PRKCA: variants seen among roughly 807,000 people sequenced by gnomAD.
PRKCA encodes protein kinase C alpha type.
Under a neutral mutation model 87.0 loss-of-function variants are expected in PRKCA, and 27 were observed. The observed-to-expected ratio is 0.31, with a 90% CI of 0.23 to 0.43. The LOEUF (loss-of-function observed/expected upper bound fraction) is 0.43, where lower values mean the gene tolerates loss of function less well. Ranked by LOEUF, PRKCA falls within the 20% of genes least tolerant of loss-of-function variation. PRKCA has a pLI of 1.00. For synonymous variants in PRKCA, 329 were observed against 311.1 expected, an observed-to-expected ratio of 1.06 and a Z score of -0.61; for missense variants, 518 against 852.3, an observed-to-expected ratio of 0.61 and a Z score of 4.88.
At chr17:66,343,904 T>C (rs1907197707) in intron 2 of PRKCA, among the ~76,000 whole-genome samples, 1 of 152,116 alleles carries the variant, frequency 6.6e-6, no homozygotes, top group South Asian at 2.1e-4. Flanking sequence ...GATAGCACCA[T>C]GATGCCTACC....
chr17:66,634,349 G>A (rs72845965), intron 3 of PRKCA, among the ~76,000 whole-genome samples: 24,015 of 152,038 alleles, frequency 0.16, 2,307 homozygotes, highest in Non-Finnish European at 0.22. Flanking sequence ...TCCCTCTTTC[G>A]TTATAATATA....
At position 66,668,902 on chromosome 17, in the gene PRKCA, A is replaced by G. The variant is rs183702037; in HGVS notation, c.530-18209A>G. On this transcript the variant is annotated intron_variant, in intron 5 of 16. Coordinates refer to ENST00000413366, the MANE Select transcript of PRKCA (RefSeq NM_002737.3). ...AGGATCACTTGAGGCCAGAAGTTTG[A>G]GACCAGCCTGGGCAACATAGCAAGT... Among the ~76,000 whole-genome samples the G allele has an allele frequency of 2.2e-4, 34 of 152,256 alleles. 1 individual carries two copies. Among genetic ancestry groups the G allele is most frequent in the South Asian group, 1.5e-3 (7 of 4,816 alleles).
intron 3 of PRKCA, among the ~76,000 whole-genome samples, chr17:66,506,362 TA>T (rs748147565): frequency 9.9e-5 from 15 of 151,100 alleles, no homozygotes; most frequent in East Asian, 1.9e-4. Flanking sequence ...TTTCTTAAAT[TA>T]AAAAAAAAGG....
At chr17:66,521,825 G>C (rs932279814) in intron 3 of PRKCA, among the ~76,000 whole-genome samples, 3 of 152,160 alleles carry the variant, frequency 2.0e-5, no homozygotes, top group Non-Finnish European at 4.4e-5. Flanking sequence ...GTCAAGAATT[G>C]TTGTATTTCT....
chr17:66,786,808 C>A (rs1250365223), intron 14 of PRKCA, 59 bp from the exon 15 acceptor site: 19 of 1,414,280 alleles, frequency 1.3e-5, no homozygotes, highest in Non-Finnish European at 1.9e-5. Context: ...TCTTCAGGCA[C>A]CATGTGAATG....
chr17:66,547,840 C>T (rs934398538), intron 3 of PRKCA, among the ~76,000 whole-genome samples: 3 of 152,162 alleles, frequency 2.0e-5, no homozygotes, highest in Non-Finnish European at 2.9e-5. Context: ...AACCATCTTA[C>T]GGCTTTTTAT....
Position 66,789,081 on chromosome 17 carries a change from GC to G in PRKCA, c.1854+103del. ...TGGAGAGAGGAGGCCGGTGCCCCTG[GC>G]TTGTACAGGGTGAGGAAACGGGCCA... is the stretch of plus-strand genomic sequence containing the variant. On this transcript the variant is annotated intron_variant, in intron 16 of 16. Coordinates refer to ENST00000413366, the MANE Select transcript of PRKCA (RefSeq NM_002737.3). 2.1e-6 allele frequency: 3 copies of G among 1,432,730 alleles called. 1 individual carries two copies. The Middle Eastern group carries it at 5.4e-4, about 258-fold the overall frequency. 88.8% of individuals were successfully genotyped at this position (1,432,730 alleles called of 1,614,324 possible). A position where few individuals can be genotyped will look rare whatever the true frequency, so the allele number is the denominator to read the frequency against.
intron 3 of PRKCA, among the ~76,000 whole-genome samples, chr17:66,527,354 T>C (rs1733478159): frequency 6.6e-6 from 1 of 152,180 alleles, no homozygotes; most frequent in Non-Finnish European, 1.5e-5. Flanking sequence ...GCAATTTGCA[T>C]CCACAGGTCA....
intron 2 of PRKCA, among the ~76,000 whole-genome samples, chr17:66,474,224 A>G (rs1811169810): frequency 9.6e-6 from 1 of 104,486 alleles, no homozygotes; most frequent in Admixed American, 9.8e-5. Flanking sequence ...ATGGGGAGGA[A>G]CCCAATAACA....
chr17:66,756,314 C>T (rs1974546510), intron 13 of PRKCA, among the ~76,000 whole-genome samples: 1 of 152,098 alleles, frequency 6.6e-6, no homozygotes, highest in Non-Finnish European at 1.5e-5. Flanking sequence ...TCCCCGATTC[C>T]AATCCCTTCC....
intron 5 of PRKCA, among the ~76,000 whole-genome samples, chr17:66,672,578 G>A (rs1236022344): frequency 6.6e-6 from 1 of 152,118 alleles, no homozygotes; most frequent in East Asian, 1.9e-4. Context: ...AACACACAGG[G>A]TATGATCAGA....
intron 2 of PRKCA, among the ~76,000 whole-genome samples, chr17:66,440,246 C>T (rs1432141006): frequency 1.3e-5 from 2 of 152,212 alleles, no homozygotes; most frequent in African/African-American, 4.8e-5. Flanking sequence ...GTCCAGACCC[C>T]ATGGTTTTAA....
intron 5 of PRKCA, among the ~76,000 whole-genome samples, chr17:66,649,481 C>T (rs1486361946): frequency 3.9e-5 from 6 of 152,174 alleles, no homozygotes. Context: ...CTATTATTAT[C>T]CTCCTTCTTG....
intron 5 of PRKCA, among the ~76,000 whole-genome samples, chr17:66,649,170 A>G (rs1354284464): frequency 6.6e-6 from 1 of 152,142 alleles, no homozygotes; most frequent in Admixed American, 6.5e-5. Context: ...TAAAGAGCCA[A>G]ATAGAAGACA....
At chr17:66,375,094 G>A (rs186964742) in intron 2 of PRKCA, among the ~76,000 whole-genome samples, 1 of 152,022 alleles carries the variant, frequency 6.6e-6, no homozygotes, top group Non-Finnish European at 1.5e-5. Flanking sequence ...AGCCTTGAGG[G>A]GGGTAATAGC....
chr17:66,680,262 T>C (rs8071795), intron 5 of PRKCA, among the ~76,000 whole-genome samples: 16,091 of 152,192 alleles, frequency 0.11, 913 homozygotes, highest in Middle Eastern at 0.17. Flanking sequence ...CAGAGAACAT[T>C]TTTGCTCATG....
chr17:66,528,035 G>A (rs1337304699), intron 3 of PRKCA, among the ~76,000 whole-genome samples: 3 of 151,900 alleles, frequency 2.0e-5, no homozygotes, highest in African/African-American at 4.8e-5. Flanking sequence ...GTGAGACCCC[G>A]TCTCTACTAA....
intron 13 of PRKCA, among the ~76,000 whole-genome samples, chr17:66,764,272 C>T (rs1974750266): frequency 6.6e-6 from 1 of 152,208 alleles, no homozygotes; most frequent in Admixed American, 6.5e-5. Flanking sequence ...CATCTAAAAC[C>T]TTCCTGTGCC....
intron 16 of PRKCA, among the ~76,000 whole-genome samples, chr17:66,791,670 C>T (rs924643357): frequency 6.6e-6 from 1 of 152,212 alleles, no homozygotes; most frequent in Admixed American, 6.5e-5. Context: ...CTTCAGCGGT[C>T]TCTGAGGACT....
Sources: gnomAD v4.1 joint callset for allele counts (sites outside exome capture counted in the v4.1 genomes callset) on GRCh38, gnomAD v4.1.1 for gene constraint, MANE v1.5 for transcripts, NCBI Gene and HGNC (gene_info 2026-07-23, HGNC 2026-07-21) for gene names.